CREB3L2: variants seen among roughly 807,000 people sequenced by gnomAD.
CREB3L2 encodes the protein cyclic AMP-responsive element-binding protein 3-like protein 2.
In CREB3L2, 23 loss-of-function variants were observed where a neutral mutation model predicts 57.2. That is an observed-to-expected ratio of 0.40 (90% CI 0.29 to 0.57). CREB3L2 has a LOEUF of 0.57. Ranked by LOEUF, CREB3L2 falls within the 20% of genes least tolerant of loss-of-function variation. CREB3L2 has a pLI of 0.42. For missense variants in CREB3L2, 628 were observed against 634.7 expected (o/e 0.99, Z 0.11); for synonymous variants, 268 against 265.1 (o/e 1.01, Z -0.11).
intron 4 of CREB3L2, among the ~76,000 whole-genome samples, chr7:137,909,610 G>A (rs570177458): frequency 6.7e-4 from 102 of 152,342 alleles, no homozygotes; most frequent in African/African-American, 2.3e-3. Flanking sequence ...CTCGGCCAGA[G>A]AACTAACTGC....
intron 8 of CREB3L2, among the ~76,000 whole-genome samples, chr7:137,886,759 T>G (rs192438): frequency 3.3e-5 from 5 of 150,844 alleles, no homozygotes; most frequent in African/African-American, 9.8e-5. Flanking sequence ...TCCCTAAAAT[T>G]GGACAACTGT....
chr7:137,979,020 G>A lies in CREB3L2; in HGVS notation c.102+22584C>T, dbSNP rs552648640. Among the ~76,000 whole-genome samples the A allele has an allele frequency of 5.9e-5, 9 of 152,330 alleles. No individual in the cohort carries two copies. The East Asian group carries it at 1.7e-3, about 29-fold the overall frequency. Reference sequence around the variant, plus strand: ...ACAAAACTCAAGACTCACAACGAGAGCAGTAAATGATGCTACTCTGGGAAA... The same window carrying A: ...ACAAAACTCAAGACTCACAACGAGAACAGTAAATGATGCTACTCTGGGAAA... On this transcript the variant is annotated intron_variant, in intron 1 of 11. Coordinates refer to ENST00000330387, the MANE Select transcript of CREB3L2 (RefSeq NM_194071.4).
rs2117342336 is a variant in CREB3L2 at position 138,001,334 on chromosome 7, A to C, written c.102+270T>G. On this transcript the variant is annotated intron_variant, in intron 1 of 11. Coordinates refer to ENST00000330387, the MANE Select transcript of CREB3L2 (RefSeq NM_194071.4). The surrounding 1 kb of genome is among the most constrained non-coding windows in gnomAD (Gnocchi z 4.2). The stretch of plus-strand genomic sequence containing the variant: ...ATTACAGTACTGTTAACAACAGCAA[A>C]TGATATTACAGATGGAAAAAGCCTC... 1.3e-5 allele frequency among the ~76,000 whole-genome samples: 2 copies of C among 152,298 alleles called. No individual in the cohort carries two copies. The highest frequency in any genetic ancestry group is 4.1e-4 in the South Asian group (2 of 4,820).
intron 1 of CREB3L2, among the ~76,000 whole-genome samples, chr7:137,949,667 T>A (rs1801060361): frequency 6.6e-6 from 1 of 151,996 alleles, no homozygotes; most frequent in Non-Finnish European, 1.5e-5. Flanking sequence ...CCAATCAAGA[T>A]TAGAAAAAAA....
At chr7:137,903,928 G>A (rs200659058) in intron 7 of CREB3L2, 31 bp downstream of exon 7, 473 of 1,586,056 alleles carry the variant, frequency 3.0e-4, no homozygotes, top group Non-Finnish European at 3.8e-4. Context: ...CATACTGCCC[G>A]ATGAACGCAA....
intron 1 of CREB3L2, among the ~76,000 whole-genome samples, chr7:137,971,352 A>T (rs943190295): frequency 6.6e-5 from 10 of 151,848 alleles, no homozygotes; most frequent in African/African-American, 2.2e-4. Flanking sequence ...CGGGAGGGTG[A>T]GGCAGGAGAA....
At chr7:137,881,675 T>C (rs6980335) in intron 11 of CREB3L2, among the ~76,000 whole-genome samples, 13,964 of 152,200 alleles carry the variant, frequency 0.092, 1,724 homozygotes, top group African/African-American at 0.28. Context: ...CTGGGAGGCA[T>C]AGGAGCAGAG....
rs958928708 is a variant in CREB3L2, at chr7:137,877,341, T to C, written c.*3135A>G. The C allele has an allele frequency of 1.3e-5, 3 of 227,546 alleles. No individual in the cohort carries two copies. The highest frequency in any genetic ancestry group is 6.7e-5 in the African/African-American group (3 of 45,054). The allele number at this position is 227,546 out of a possible 1,614,324, so 14.1% of individuals were successfully genotyped here. A position where few individuals can be genotyped will look rare whatever the true frequency, so the allele number is the denominator to read the frequency against. ...GGTGTCAAATCTCATCCCCACTCCC[T>C]GCCAAAAAAGAGCAACCTAGTTCAG... On this transcript the variant is annotated 3_prime_UTR_variant, in exon 12 of 12. Transcript: ENST00000330387.
chr7:137,927,359 AAAG>A (rs551325314), intron 2 of CREB3L2, among the ~76,000 whole-genome samples: 83 of 146,902 alleles, frequency 5.7e-4, no homozygotes, highest in African/African-American at 2.0e-3. Context: ...GGAGAGAGAA[AAAG>A]AAGAAAGAAA....
In CREB3L2 at chr7:137,877,140, G is replaced by A. The variant is rs372585242; in HGVS notation, c.*3336C>T. 1.3e-4 allele frequency: 30 copies of A among 229,160 alleles called. No homozygotes were observed. The East Asian group carries it at 1.6e-3, about 12-fold the overall frequency. The allele number at this position is 229,160 out of a possible 1,614,324, so 14.2% of individuals were successfully genotyped here. ...AGCCAATTCAACATCCCAACTTTAC[G>A]GGCACGTAAGATTCACAAGCTGAAC... On this transcript the variant is annotated 3_prime_UTR_variant, in exon 12 of 12. Coordinates refer to ENST00000330387, the MANE Select transcript of CREB3L2 (RefSeq NM_194071.4).
intron 5 of CREB3L2, among the ~76,000 whole-genome samples, chr7:137,906,442 A>G (rs1799893118): frequency 6.6e-6 from 1 of 152,214 alleles, no homozygotes; most frequent in Non-Finnish European, 1.5e-5. Context: ...CCACAGTAGA[A>G]TGGCATGTTT....
rs1799119869 is a variant in CREB3L2 at position 137,875,171 on chromosome 7, A to G, written c.*5305T>C. On this transcript the variant is annotated 3_prime_UTR_variant, in exon 12 of 12. Coordinates refer to ENST00000330387, the MANE Select transcript of CREB3L2 (RefSeq NM_194071.4). ...CGATAGGACAGATAACAGACTCACA[A>G]CGTATTTAGATTTAAACACTGCTGG... 4.8e-6 allele frequency: 1 copy of G among 208,910 alleles called. No individual in the cohort carries two copies. The highest frequency in any genetic ancestry group is 5.9e-5 in the Admixed American group (1 of 16,828). 12.9% of individuals were successfully genotyped at this position (208,910 alleles called of 1,614,324 possible).
At chr7:137,944,099 CAA>C (rs1800923688) in intron 1 of CREB3L2, among the ~76,000 whole-genome samples, 1 of 152,174 alleles carries the variant, frequency 6.6e-6, no homozygotes, top group African/African-American at 2.4e-5. Flanking sequence ...TTCACATTTG[CAA>C]AGTCTGGGTG....
chr7:137,896,000 A>G (rs1799621359), intron 8 of CREB3L2, among the ~76,000 whole-genome samples: 1 of 152,170 alleles, frequency 6.6e-6, no homozygotes, highest in Non-Finnish European at 1.5e-5. Context: ...AGCCCTGCAC[A>G]CTGCCCAAAC....
intron 3 of CREB3L2, among the ~76,000 whole-genome samples, chr7:137,913,589 C>G (rs551697305): frequency 6.7e-4 from 101 of 150,452 alleles, no homozygotes; most frequent in African/African-American, 2.4e-3. Flanking sequence ...ATGCTCAAGC[C>G]CAAAACTATA....
intron 1 of CREB3L2, among the ~76,000 whole-genome samples, chr7:137,984,442 C>T (rs1487383078): frequency 6.6e-6 from 1 of 152,194 alleles, no homozygotes; most frequent in Non-Finnish European, 1.5e-5. Context: ...GCTGATGTTA[C>T]GCTGGAAGTG....
intron 1 of CREB3L2, among the ~76,000 whole-genome samples, chr7:137,972,004 C>A (rs1209615055): frequency 1.3e-5 from 2 of 150,658 alleles, no homozygotes; most frequent in African/African-American, 4.9e-5. Flanking sequence ...GGGCATGGCA[C>A]AATAGTTATA....
chr7:137,967,728 T>C (rs770487818), intron 1 of CREB3L2, among the ~76,000 whole-genome samples: 7 of 152,136 alleles, frequency 4.6e-5, no homozygotes, highest in Non-Finnish European at 8.8e-5. Context: ...CTCACAAGTT[T>C]CCCTCCCAGG....
intron 7 of CREB3L2, among the ~76,000 whole-genome samples, chr7:137,901,920 G>A (rs536453850): frequency 5.3e-5 from 8 of 150,498 alleles, no homozygotes; most frequent in Non-Finnish European, 1.0e-4. Flanking sequence ...GGGGCCGGGC[G>A]TAGTGGCTCA....
Sources: allele counts gnomAD v4.1 joint callset (sites outside exome capture counted in the v4.1 genomes callset), GRCh38; gene constraint gnomAD v4.1.1; non-coding constraint Gnocchi (gnomAD v3.1); transcripts MANE v1.5; gene names NCBI Gene and HGNC (gene_info 2026-07-23, HGNC 2026-07-21).